Variants in CSMD3 observed in about 807,000 individuals in gnomAD.
CSMD3 encodes CUB and Sushi multiple domains 3, also known as CUB and sushi domain-containing protein 3.
In CSMD3, 177 loss-of-function variants were observed where a neutral mutation model predicts 435.2. The observed-to-expected ratio is 0.41, with a 90% confidence interval of 0.36 to 0.46. CSMD3 has a LOEUF of 0.46. CSMD3 is among the 20% of genes least tolerant of loss of function. CSMD3 has a pLI of 0.34. For missense variants in CSMD3, 4,265 were observed against 4,504.6 expected, an observed-to-expected ratio of 0.95 and a Z score of 1.52; for synonymous variants, 1,656 against 1,520.5, an observed-to-expected ratio of 1.09 and a Z score of -2.07.
At chr8:112,271,464 G>C (rs1399184600) in intron 59 of CSMD3, among the ~76,000 whole-genome samples, 1 of 151,980 alleles carries the variant, frequency 6.6e-6, no homozygotes, top group Non-Finnish European at 1.5e-5. Context: ...ATATACATTT[G>C]ACCATTGTAG....
chr8:112,367,662 C>T (rs1468761699), intron 38 of CSMD3, among the ~76,000 whole-genome samples: 1 of 152,136 alleles, frequency 6.6e-6, no homozygotes, highest in Admixed American at 6.5e-5. Flanking sequence ...CCTTGTGAAC[C>T]AATGCAACAG....
At chr8:112,277,599 A>G (rs1818194816) in intron 59 of CSMD3, among the ~76,000 whole-genome samples, 1 of 152,164 alleles carries the variant, frequency 6.6e-6, no homozygotes, top group Non-Finnish European at 1.5e-5. Context: ...GTATCTTTAC[A>G]GCAGCACCCA....
intron 1 of CSMD3, among the ~76,000 whole-genome samples, chr8:113,324,190 T>A (rs568386666): frequency 6.6e-6 from 1 of 152,246 alleles, no homozygotes; most frequent in Non-Finnish European, 1.5e-5. Flanking sequence ...TGAGGAGAAA[T>A]TCAAGCTGGC....
intron 1 of CSMD3, among the ~76,000 whole-genome samples, chr8:113,328,730 C>CTTTTTTTT (rs1433804259): frequency 9.4e-5 from 6 of 64,026 alleles, no homozygotes; most frequent in African/African-American, 4.6e-4. Context: ...TTCCTTCCTT[C>CTTTTTTTT]TTTTCTTTTT....
At position 112,754,216 on chromosome 8, in the gene CSMD3, A is replaced by T. The variant is rs548654302; in HGVS notation, c.1972+45946T>A. Among the ~76,000 whole-genome samples, 26 of 152,258 alleles carry T rather than the reference A, an allele frequency of 1.7e-4. No homozygotes were observed. The Middle Eastern group carries it at 0.017, about 100-fold the overall frequency. Reference sequence around the variant, plus strand: ...AGAAACCTGATTTTAAAAAGAAAAAACTGCTGAACAGAGCTGTAAGGCCGG... The same window carrying T: ...AGAAACCTGATTTTAAAAAGAAAAATCTGCTGAACAGAGCTGTAAGGCCGG... On this transcript the variant is annotated intron_variant, in intron 13 of 70. Coordinates refer to ENST00000297405, the MANE Select transcript of CSMD3 (RefSeq NM_198123.2).
rs571474251 is a variant in CSMD3, at chr8:112,649,704, G to C, written c.3193+457C>G. 4.1e-4 allele frequency among the ~76,000 whole-genome samples: 62 copies of C among 152,234 alleles called. 1 individual carries two copies. The highest frequency in any genetic ancestry group is 1.4e-3 in the African/African-American group (60 of 41,516). On this transcript the variant is annotated intron_variant, in intron 19 of 70. Transcript: ENST00000297405. The stretch of plus-strand genomic sequence containing the variant: ...TATAACTAGGAACTTGACACAACAG[G>C]GTAGTCGGAGTAAACTACCATAGTG...
At chr8:113,385,073 T>C (rs527262689) in intron 1 of CSMD3, among the ~76,000 whole-genome samples, 12 of 152,272 alleles carry the variant, frequency 7.9e-5, no homozygotes, top group African/African-American at 2.9e-4. Flanking sequence ...AATTTAATTT[T>C]GGGAAACTTG....
chr8:112,948,975 T>C lies in CSMD3; in HGVS notation c.1421-1098A>G, dbSNP rs146614371. On this transcript the variant is annotated intron_variant, in intron 8 of 70. Coordinates refer to ENST00000297405, the MANE Select transcript of CSMD3 (RefSeq NM_198123.2). The stretch of plus-strand genomic sequence containing the variant: ...TCCATGCTGGTGTGCAGCAGCACAA[T>C]CATAGTTCACTGTAGCTTTGGAATC... Among the ~76,000 whole-genome samples the C allele has an allele frequency of 3.3e-3, 504 of 152,098 alleles. 3 individuals are homozygous for C. The highest frequency in any genetic ancestry group is 0.01 in the African/African-American group (434 of 41,516).
At chr8:112,557,291 G>A (rs1177701804) in intron 24 of CSMD3, among the ~76,000 whole-genome samples, 1 of 151,866 alleles carries the variant, frequency 6.6e-6, no homozygotes, top group African/African-American at 2.4e-5. Flanking sequence ...GTATATATTT[G>A]TTCTTTGTCC....
intron 32 of CSMD3, among the ~76,000 whole-genome samples, chr8:112,420,565 A>T (rs949104045): frequency 1.5e-4 from 23 of 152,296 alleles, no homozygotes; most frequent in African/African-American, 5.5e-4. Flanking sequence ...TGTTACTTTT[A>T]ATATATAAAA....
chr8:113,290,122 A>C (rs1243873295), intron 2 of CSMD3, among the ~76,000 whole-genome samples: 6 of 151,752 alleles, frequency 4.0e-5, no homozygotes, highest in Non-Finnish European at 7.4e-5. Context: ...GATGAATCAT[A>C]ATTTCTTTAA....
chr8:112,919,108 G>A (rs935242140), intron 10 of CSMD3, among the ~76,000 whole-genome samples: 6 of 151,874 alleles, frequency 4.0e-5, no homozygotes, highest in Non-Finnish European at 8.8e-5. Flanking sequence ...ATGAGCAAAT[G>A]CAGCTATGTC....
chr8:112,782,710 A>C lies in CSMD3; in HGVS notation c.1972+17452T>G, dbSNP rs1158467641. On this transcript the variant is annotated intron_variant, in intron 13 of 70. Transcript: ENST00000297405. Reference sequence around the variant, plus strand: ...TTAACAGCAGAAAGAGAAAAGAAACAAATAGCATACAATGGAACTCCACTA... The same window carrying C: ...TTAACAGCAGAAAGAGAAAAGAAACCAATAGCATACAATGGAACTCCACTA... 2.6e-5 allele frequency among the ~76,000 whole-genome samples: 4 copies of C among 152,158 alleles called. No individual in the cohort carries two copies. The East Asian group carries it at 7.8e-4, about 30-fold the overall frequency.
chr8:112,398,873 T>C (rs572737287), intron 35 of CSMD3, among the ~76,000 whole-genome samples: 3 of 152,292 alleles, frequency 2.0e-5, no homozygotes, highest in South Asian at 4.1e-4. Flanking sequence ...TCTACTGAGA[T>C]TGTGAGTTCA....
chr8:112,757,926 C>A (rs1417125956), intron 13 of CSMD3, among the ~76,000 whole-genome samples: 1 of 152,004 alleles, frequency 6.6e-6, no homozygotes, highest in Admixed American at 6.6e-5. Flanking sequence ...CATGATGGCA[C>A]ACATTTGTGG....
chr8:112,953,996 G>C (rs142824734), intron 8 of CSMD3, among the ~76,000 whole-genome samples: 3 of 151,252 alleles, frequency 2.0e-5, no homozygotes, highest in Non-Finnish European at 4.4e-5. Context: ...TCCTAATTTT[G>C]ACTACAAAAA....
chr8:112,968,984 A>G (rs1457140118), intron 7 of CSMD3, among the ~76,000 whole-genome samples: 1 of 152,006 alleles, frequency 6.6e-6, no homozygotes, highest in Non-Finnish European at 1.5e-5. Flanking sequence ...AGTTGCTTGC[A>G]AACACTTGAA....
intron 34 of CSMD3, 87 bp from the exon 35 acceptor site, chr8:112,406,814 A>C (rs561547113): frequency 1.3e-6 from 1 of 760,652 alleles, no homozygotes; most frequent in African/African-American, 1.8e-5. Context: ...CATTTTTGAG[A>C]AATCATCACT....
At chr8:113,358,276 A>G (rs1315161629) in intron 1 of CSMD3, among the ~76,000 whole-genome samples, 1 of 152,256 alleles carries the variant, frequency 6.6e-6, no homozygotes, top group African/African-American at 2.4e-5. Flanking sequence ...TCTGGATTTA[A>G]AACAAAGAAA....
Sources: allele counts gnomAD v4.1 joint callset (sites outside exome capture counted in the v4.1 genomes callset), GRCh38; gene constraint gnomAD v4.1.1; transcripts MANE v1.5; gene names NCBI Gene and HGNC (gene_info 2026-07-23, HGNC 2026-07-21).